The following SESN1 variants were observed in gnomAD, a reference collection of about 807,000 sequenced individuals.
SESN1 encodes the protein sestrin-1.
Under a neutral mutation model 59.3 loss-of-function variants are expected in SESN1, and 30 were observed. That is an observed-to-expected ratio of 0.51 (90% CI 0.38 to 0.69). SESN1 has a LOEUF of 0.69. SESN1 is among the 30% of genes least tolerant of loss of function. The pLI is 0.00. For missense variants in SESN1, 566 were observed against 673.0 expected (o/e 0.84, Z 1.76); for synonymous variants, 197 against 219.9 (o/e 0.90, Z 0.92).
chr6:109,013,743 A>G (rs1779893810), intron 1 of SESN1, among the ~76,000 whole-genome samples: 1 of 152,156 alleles, frequency 6.6e-6, no homozygotes. Context: ...TGGGAGTGGG[A>G]TTTGTTACAT....
rs140669851 is a variant in SESN1 at position 109,086,968 on chromosome 6, C to T, written c.279+6827G>A. On this transcript the variant is annotated intron_variant, in intron 1 of 9. Coordinates refer to ENST00000436639, the MANE Select transcript of SESN1 (RefSeq NM_014454.3). ...CCAACATGGTGAAACCCTGTCTCCA[C>T]TAAAAATAGAAAAATTAGCTGGGCG... is the stretch of plus-strand genomic sequence containing the variant. Among the ~76,000 whole-genome samples, 1,185 of 152,008 alleles carry T rather than the reference C, an allele frequency of 7.8e-3. 21 individuals are homozygous for T. The highest frequency in any genetic ancestry group is 0.027 in the African/African-American group (1,138 of 41,438).
At position 108,985,336 on chromosome 6, in the gene SESN1, CT is replaced by C. The variant is rs547491649; in HGVS notation, c.*2207del. ...CCTGGGACCCTCAACCAGAAATCTT[CT>C]CATGATTATTTTAGAAGAAAATTTT... On this transcript the variant is annotated 3_prime_UTR_variant, in exon 10 of 10. Coordinates refer to ENST00000436639, the MANE Select transcript of SESN1 (RefSeq NM_014454.3). Among the ~76,000 whole-genome samples, 2 of 152,222 alleles carry C rather than the reference CT, an allele frequency of 1.3e-5. No individual in the cohort carries two copies. Among genetic ancestry groups the C allele is most frequent in the African/African-American group, 4.8e-5 (2 of 41,542 alleles).
Position 109,001,465 on chromosome 6 carries a change from G to A in SESN1, c.369C>T (p.Asp123=), listed in dbSNP as rs768298804. 1.2e-5 allele frequency: 20 copies of A among 1,613,390 alleles called. No homozygotes were observed. The highest frequency in any genetic ancestry group is 1.6e-4 in the Middle Eastern group (1 of 6,080). ...CTGCAAATAAAGCATGCATCTGTGCGTCTTCACTCCCCACTTGGAGGATCT... is the reference window on the plus strand; with the variant it reads ...CTGCAAATAAAGCATGCATCTGTGCATCTTCACTCCCCACTTGGAGGATCT... The part of the protein sequence containing the change: ...EKEILQVGSE[D]AQMHALFADS... Residue 123 remains aspartate, a synonymous_variant, in exon 3 of 10, where the codon GAC becomes GAT. Transcript: ENST00000436639.
At chr6:109,083,915 A>G (rs911876742) in intron 1 of SESN1, among the ~76,000 whole-genome samples, 3 of 152,230 alleles carry the variant, frequency 2.0e-5, no homozygotes, top group African/African-American at 7.2e-5. Context: ...CCAACTAGCT[A>G]GAAAATGAAA....
intron 1 of SESN1, among the ~76,000 whole-genome samples, chr6:109,017,336 A>C (rs1779943036): frequency 6.6e-6 from 1 of 152,136 alleles, no homozygotes; most frequent in Admixed American, 6.5e-5. Flanking sequence ...CCCAGGCTGG[A>C]GCGCAGTGGT....
chr6:109,090,019 A>G (rs1289990320), intron 1 of SESN1, among the ~76,000 whole-genome samples: 1 of 152,214 alleles, frequency 6.6e-6, no homozygotes, highest in African/African-American at 2.4e-5. Flanking sequence ...TAAAGTCCAC[A>G]ACCCTTAAAT....
intron 1 of SESN1, among the ~76,000 whole-genome samples, chr6:109,021,560 C>T (rs191187421): frequency 2.6e-4 from 40 of 152,090 alleles, no homozygotes; most frequent in East Asian, 7.8e-4. Context: ...GCCTCAGCCT[C>T]GCAATTAGCT....
intron 1 of SESN1, among the ~76,000 whole-genome samples, chr6:109,016,650 G>C (rs1462733023): frequency 2.6e-5 from 4 of 152,084 alleles, no homozygotes; most frequent in Non-Finnish European, 5.9e-5. Flanking sequence ...TTTACCCAAA[G>C]GGTATAGATA....
intron 1 of SESN1, among the ~76,000 whole-genome samples, chr6:109,071,760 T>G (rs1780938373): frequency 6.6e-6 from 1 of 152,202 alleles, no homozygotes; most frequent in African/African-American, 2.4e-5. Context: ...CTCAGCAGAC[T>G]CAGAGGCACG....
At chr6:109,018,036 A>G (rs1779954359) in intron 1 of SESN1, among the ~76,000 whole-genome samples, 1 of 152,196 alleles carries the variant, frequency 6.6e-6, no homozygotes, top group East Asian at 1.9e-4. Context: ...AAGAAATAGC[A>G]AAAATATAAT....
chr6:108,997,505 A>G (rs1779523679), intron 5 of SESN1, among the ~76,000 whole-genome samples: 1 of 152,166 alleles, frequency 6.6e-6, no homozygotes, highest in African/African-American at 2.4e-5. Context: ...TTCTTGTGCT[A>G]ATTTCACCAT....
intron 3 of SESN1, 26 bp downstream of exon 3, chr6:109,001,262 C>T (rs960415353): frequency 6.2e-7 from 1 of 1,602,034 alleles, no homozygotes; most frequent in Non-Finnish European, 8.5e-7. Flanking sequence ...TAGGCAAAAA[C>T]AATTTTTCAC....
Position 109,093,860 on chromosome 6 carries a change from G to A in SESN1, c.214C>T (p.Leu72Phe). 1 of 1,614,174 alleles carries A rather than the reference G, an allele frequency of 6.2e-7. No individual in the cohort carries two copies. Among genetic ancestry groups the A allele is most frequent in the South Asian group, 1.1e-5 (1 of 91,082 alleles). ...TCTTTGAAGGGACACCTCTTAGAAA[G>A]CATAAGCAGATGAGCAAGTAGCTTA... Reference protein sequence around the residue: ...LNKLLAHLLMLSKRCPFKDVR... With the variant: ...LNKLLAHLLMFSKRCPFKDVR... The change falls in exon 1 of 10, where the codon CTT becomes TTT. Residue 72 changes from leucine to phenylalanine, a missense_variant. By Grantham distance (22) the Leu-to-Phe change is conservative. Coordinates refer to ENST00000436639, the MANE Select transcript of SESN1 (RefSeq NM_014454.3).
At chr6:108,995,326 T>C (rs948776648) in intron 5 of SESN1, among the ~76,000 whole-genome samples, 1 of 152,220 alleles carries the variant, frequency 6.6e-6, no homozygotes, top group Non-Finnish European at 1.5e-5. Flanking sequence ...GGCATACATA[T>C]TGTCAATGTG....
chr6:109,071,349 GTTTCT>G (rs1780931250), intron 1 of SESN1, among the ~76,000 whole-genome samples: 1 of 147,424 alleles, frequency 6.8e-6, no homozygotes, highest in Non-Finnish European at 1.5e-5. Context: ...GATAGTTTTT[GTTTCT>G]TTTTTTTTTT....
intron 1 of SESN1, among the ~76,000 whole-genome samples, chr6:109,013,452 TA>T (rs199827188): frequency 0.022 from 3,314 of 152,282 alleles, 61 homozygotes; most frequent in Non-Finnish European, 0.03. Flanking sequence ...ATTTAGGAGA[TA>T]AATCTCAGAT....
At chr6:109,072,170 TA>T (rs1780949950) in intron 1 of SESN1, among the ~76,000 whole-genome samples, 1 of 152,194 alleles carries the variant, frequency 6.6e-6, no homozygotes, top group African/African-American at 2.4e-5. Flanking sequence ...AACTCTTAAT[TA>T]TTAGCATTTC....
At chr6:109,010,938 G>C (rs989453651) in intron 1 of SESN1, among the ~76,000 whole-genome samples, 1 of 152,198 alleles carries the variant, frequency 6.6e-6, no homozygotes, top group African/African-American at 2.4e-5. Flanking sequence ...GGTTGTAAAT[G>C]AATGAGTTGG....
At chr6:109,009,328 C>G (rs1227699666) in intron 1 of SESN1, 44 of 1,461,208 alleles carry the variant, frequency 3.0e-5, no homozygotes, top group Non-Finnish European at 3.8e-5. Context: ...CCCAGGTACC[C>G]AGCGGCCCGC....
Sources: gnomAD v4.1 joint callset for allele counts (sites outside exome capture counted in the v4.1 genomes callset) on GRCh38, gnomAD v4.1.1 for gene constraint, MANE v1.5 for transcripts, NCBI Gene and HGNC (gene_info 2026-07-23, HGNC 2026-07-21) for gene names.